The following CFH variants were observed in gnomAD, a reference collection of about 807,000 sequenced individuals.
CFH encodes H factor 1 (complement).
CFH carries 53 observed loss-of-function variants against 147.3 expected under a neutral mutation model. That is an observed-to-expected ratio of 0.36 (90% confidence interval 0.29 to 0.45). CFH has a LOEUF of 0.45. Among genes scored for constraint, CFH ranks in the 20% least tolerant of loss-of-function variants. CFH has a pLI of 1.00. For missense variants in CFH, 1,380 were observed against 1,498.0 expected, an observed-to-expected ratio of 0.92 and a Z score of 1.30; for synonymous variants, 536 against 489.4, an observed-to-expected ratio of 1.10 and a Z score of -1.26.
In CFH at chr1:196,705,889, T is replaced by C. The variant is rs552216597; in HGVS notation, c.1337-7846T>C. On this transcript the variant is annotated intron_variant, in intron 9 of 21. Transcript: ENST00000367429. ...CCTCCTGGATAATCCTAGTGTTACT[T>C]TGAGAGCTGTTTCTGCTTTAAATCC... Among the ~76,000 whole-genome samples the C allele has an allele frequency of 8.5e-5, 13 of 152,294 alleles. 1 individual carries two copies. In the East Asian group the frequency reaches 2.3e-3, roughly 27 times the overall value.
chr1:196,685,353 C>G, intron 7 of CFH, 116 bp downstream of exon 7: 4 of 1,069,414 alleles, frequency 3.7e-6, no homozygotes, highest in Non-Finnish European at 5.7e-6. Flanking sequence ...CAAAGTAAGG[C>G]TGTTGGAAGC....
intron 6 of CFH, among the ~76,000 whole-genome samples, chr1:196,682,680 A>T (rs1667696946): frequency 6.6e-6 from 1 of 151,628 alleles, no homozygotes; most frequent in African/African-American, 2.4e-5. Flanking sequence ...GAAAAAAAGA[A>T]AAAAGGAATA....
intron 6 of CFH, 28 bp from the exon 7 acceptor site, chr1:196,685,036 A>C (rs1432414363): frequency 1.3e-6 from 2 of 1,509,648 alleles, no homozygotes; most frequent in African/African-American, 1.4e-5. Context: ...TTATTTCTGC[A>C]TTATCCATAT....
rs1667228673 is a variant in CFH, at chr1:196,670,142, C to T, written c.59-2836C>T. Among the ~76,000 whole-genome samples the T allele has an allele frequency of 2.0e-5, 3 of 152,272 alleles. 1 individual carries two copies. Among genetic ancestry groups the T allele is most frequent in the South Asian group, 4.1e-4 (2 of 4,820 alleles). ...TGGGATGGGAGCATTTACCCAATGC[C>T]TGTATTCCCATTGTATCTTGAAAAT... is the stretch of plus-strand genomic sequence containing the variant. On this transcript the variant is annotated intron_variant, in intron 1 of 21. Coordinates refer to ENST00000367429, the MANE Select transcript of CFH (RefSeq NM_000186.4).
intron 19 of CFH, among the ~76,000 whole-genome samples, chr1:196,742,960 A>C (rs1378942980): frequency 6.6e-6 from 1 of 152,174 alleles, no homozygotes; most frequent in Non-Finnish European, 1.5e-5. Flanking sequence ...AATTTTCAAA[A>C]TGTGTTTTTA....
At chr1:196,692,789 TC>T (rs1236442180) in intron 9 of CFH, among the ~76,000 whole-genome samples, 2,455 of 92,400 alleles carry the variant, frequency 0.027, 169 homozygotes, top group Non-Finnish European at 0.035. Flanking sequence ...TTTCTTTCTT[TC>T]TTTCTTTCTT....
intron 9 of CFH, among the ~76,000 whole-genome samples, chr1:196,704,085 TG>T (rs1290948817): frequency 2.0e-5 from 3 of 151,954 alleles, no homozygotes; most frequent in Non-Finnish European, 4.4e-5. Context: ...TGTTTTGTTT[TG>T]TTTTGTTTTG....
At chr1:196,741,161 T>C in intron 18 of CFH, 1 of 268,316 alleles carries the variant, frequency 3.7e-6, no homozygotes, top group South Asian at 4.5e-5. Flanking sequence ...TCATTATAAG[T>C]ATTTCACATT....
At chr1:196,733,656 G>A (rs183616448) in intron 15 of CFH, among the ~76,000 whole-genome samples, 173 of 152,124 alleles carry the variant, frequency 1.1e-3, no homozygotes, top group African/African-American at 3.9e-3. Flanking sequence ...TATATTTTGT[G>A]CCCTCTACTC....
chr1:196,708,059 C>T (rs968074364), intron 9 of CFH, among the ~76,000 whole-genome samples: 3 of 152,082 alleles, frequency 2.0e-5, no homozygotes, highest in African/African-American at 7.2e-5. Flanking sequence ...TAGTCTCATG[C>T]CACTCATTAT....
At chr1:196,678,946 T>C (rs1410463784) in intron 5 of CFH, 1 of 152,252 alleles carries the variant, frequency 6.6e-6, no homozygotes, top group Non-Finnish European at 1.5e-5. Context: ...TTTATTCAGA[T>C]TGATTTGGGA....
chr1:196,655,924 A>G (rs1394027626), intron 1 of CFH, among the ~76,000 whole-genome samples: 1 of 152,270 alleles, frequency 6.6e-6, no homozygotes, highest in African/African-American at 2.4e-5. Context: ...AAAACATTTG[A>G]CAGAACACTT....
At chr1:196,722,442 G>A (rs994267719) in intron 11 of CFH, among the ~76,000 whole-genome samples, 2 of 152,148 alleles carry the variant, frequency 1.3e-5, no homozygotes, top group East Asian at 1.9e-4. Context: ...TACAGTTTCT[G>A]CTGAGAAGTC....
At chr1:196,722,866 G>A (rs1669032857) in intron 11 of CFH, among the ~76,000 whole-genome samples, 2 of 151,952 alleles carry the variant, frequency 1.3e-5, no homozygotes, top group South Asian at 2.1e-4. Context: ...GATGTAATCT[G>A]TAATTAAATC....
At chr1:196,723,118 T>C (rs1420444867) in intron 11 of CFH, among the ~76,000 whole-genome samples, 4 of 152,174 alleles carry the variant, frequency 2.6e-5, no homozygotes, top group Non-Finnish European at 5.9e-5. Flanking sequence ...GTTAGTGTGA[T>C]CCTTTGCGAG....
intron 11 of CFH, among the ~76,000 whole-genome samples, chr1:196,720,901 T>C (rs1415236684): frequency 6.6e-6 from 1 of 151,930 alleles, no homozygotes; most frequent in Non-Finnish European, 1.5e-5. Context: ...ATAGAGGTTG[T>C]ACTAATTTAC....
chr1:196,673,713 G>A lies in CFH; in HGVS notation c.245-144G>A, dbSNP rs565527036. On this transcript the variant is annotated intron_variant, in intron 2 of 21. Coordinates refer to ENST00000367429, the MANE Select transcript of CFH (RefSeq NM_000186.4). ...AAGCATATAGTTTAAGTTCAATTATGAAATAATGGCTTTGCTATGTTTAAT... is the reference window on the plus strand; with the variant it reads ...AAGCATATAGTTTAAGTTCAATTATAAAATAATGGCTTTGCTATGTTTAAT... 107 of 660,956 alleles carry A rather than the reference G, an allele frequency of 1.6e-4. No individual in the cohort carries two copies. In the African/African-American group the frequency reaches 1.7e-3, roughly 10 times the overall value. 40.9% of individuals were successfully genotyped at this position (660,956 alleles called of 1,614,324 possible). A position where few individuals can be genotyped will look rare whatever the true frequency, so the allele number is the denominator to read the frequency against.
At chr1:196,665,826 C>T (rs1459471405) in intron 1 of CFH, among the ~76,000 whole-genome samples, 1 of 152,150 alleles carries the variant, frequency 6.6e-6, no homozygotes, top group African/African-American at 2.4e-5. Context: ...GGGCTAGTCT[C>T]GAACTCCTGA....
intron 17 of CFH, among the ~76,000 whole-genome samples, chr1:196,737,938 T>C (rs1652636050): frequency 6.6e-6 from 1 of 152,094 alleles, no homozygotes; most frequent in Admixed American, 6.6e-5. Flanking sequence ...AACTGCCCAA[T>C]ACTGGATAAT....
Sources: gnomAD v4.1 joint callset for allele counts (sites outside exome capture counted in the v4.1 genomes callset) on GRCh38, gnomAD v4.1.1 for gene constraint, MANE v1.5 for transcripts, NCBI Gene and HGNC (gene_info 2026-07-23, HGNC 2026-07-21) for gene names.